UVRAG: variants seen among roughly 807,000 people sequenced by gnomAD.
UVRAG encodes the protein UV radiation resistance-associated gene protein.
UVRAG carries 19 observed loss-of-function variants against 78.0 expected under a neutral mutation model. The observed-to-expected ratio is 0.24, with a 90% CI of 0.17 to 0.36. UVRAG has a LOEUF of 0.36. UVRAG is among the 10% of genes least tolerant of loss of function. UVRAG has a pLI of 1.00. For missense variants in UVRAG, 740 were observed against 853.8 expected (o/e 0.87, Z 1.66); for synonymous variants, 323 against 324.6 (o/e 1.00, Z 0.05).
At chr11:76,111,294 A>T (rs757507410) in intron 13 of UVRAG, among the ~76,000 whole-genome samples, 4 of 152,106 alleles carry the variant, frequency 2.6e-5, no homozygotes, top group Non-Finnish European at 2.9e-5. Flanking sequence ...CAAACCACAG[A>T]CTCCAGAAGG....
chr11:75,990,213 C>A (rs1208114025), intron 8 of UVRAG, among the ~76,000 whole-genome samples: 2 of 152,124 alleles, frequency 1.3e-5, no homozygotes, highest in African/African-American at 4.8e-5. Flanking sequence ...TCTAAAGGAA[C>A]AGGCTTTGAT....
chr11:75,895,756 C>A (rs576030673), intron 5 of UVRAG, among the ~76,000 whole-genome samples: 1 of 152,044 alleles, frequency 6.6e-6, no homozygotes, highest in Non-Finnish European at 1.5e-5. Flanking sequence ...GGATTACAGG[C>A]GTGAGCCACC....
chr11:75,935,255 G>A (rs189952000), intron 6 of UVRAG, among the ~76,000 whole-genome samples: 225 of 152,284 alleles, frequency 1.5e-3, no homozygotes, highest in Non-Finnish European at 2.6e-3. Flanking sequence ...AAAGATAAGC[G>A]TATGATACAG....
intron 13 of UVRAG, among the ~76,000 whole-genome samples, chr11:76,078,756 A>C (rs1256340452): frequency 7.9e-6 from 1 of 126,474 alleles, no homozygotes; most frequent in African/African-American, 3.9e-5. Flanking sequence ...AAAATACAAA[A>C]AAAAAAAAAA....
chr11:76,057,517 G>A (rs1215765258), intron 12 of UVRAG, among the ~76,000 whole-genome samples: 1 of 152,120 alleles, frequency 6.6e-6, no homozygotes, highest in Non-Finnish European at 1.5e-5. Flanking sequence ...TTTTTAAAGA[G>A]TACATTTTGG....
At chr11:76,038,757 A>G (rs772324225) in intron 12 of UVRAG, among the ~76,000 whole-genome samples, 11 of 152,210 alleles carry the variant, frequency 7.2e-5, no homozygotes. Context: ...CTAGCCCACA[A>G]GAAAGCAAAC....
intron 5 of UVRAG, among the ~76,000 whole-genome samples, chr11:75,889,190 A>G (rs559826758): frequency 6.6e-6 from 1 of 152,354 alleles, no homozygotes; most frequent in South Asian, 2.1e-4. Flanking sequence ...TTAAGAAAGG[A>G]TGGTGAATTT....
intron 7 of UVRAG, among the ~76,000 whole-genome samples, chr11:75,975,527 C>T (rs1451742583): frequency 6.6e-6 from 1 of 152,062 alleles, no homozygotes; most frequent in Non-Finnish European, 1.5e-5. Context: ...TTGTTTGTGT[C>T]CTCTTTTATT....
chr11:75,833,509 A>G (rs1436561154), intron 1 of UVRAG, among the ~76,000 whole-genome samples: 2 of 152,182 alleles, frequency 1.3e-5, no homozygotes, highest in African/African-American at 2.4e-5. Context: ...TTTCATATCC[A>G]TAGCATAGTT....
intron 13 of UVRAG, among the ~76,000 whole-genome samples, chr11:76,102,553 C>A (rs1313275915): frequency 6.6e-6 from 1 of 151,954 alleles, no homozygotes; most frequent in Non-Finnish European, 1.5e-5. Flanking sequence ...GTTAGGATGC[C>A]CTTTATTTAT....
chr11:76,109,838 G>T (rs994827707), intron 13 of UVRAG, among the ~76,000 whole-genome samples: 1 of 152,088 alleles, frequency 6.6e-6, no homozygotes, highest in Non-Finnish European at 1.5e-5. Flanking sequence ...TTAAAAGTTT[G>T]CCCAAGCAAG....
chr11:75,950,931 G>T (rs1948680602), intron 6 of UVRAG, among the ~76,000 whole-genome samples: 1 of 149,784 alleles, frequency 6.7e-6, no homozygotes, highest in African/African-American at 2.5e-5. Context: ...GGAATTCTTT[G>T]TGTATTTTGG....
chr11:76,099,630 A>G (rs1051737846), intron 13 of UVRAG, among the ~76,000 whole-genome samples: 5 of 152,164 alleles, frequency 3.3e-5, no homozygotes, highest in African/African-American at 1.2e-4. Flanking sequence ...ACTTACTAAT[A>G]TCTTCTTTTA....
intron 13 of UVRAG, among the ~76,000 whole-genome samples, chr11:76,076,800 T>A (rs942952242): frequency 7.8e-6 from 1 of 128,242 alleles, no homozygotes; most frequent in Non-Finnish European, 1.6e-5. Context: ...TTAAATTAGG[T>A]TGTATTTATT....
chr11:75,917,501 C>G (rs1476866523), intron 6 of UVRAG, among the ~76,000 whole-genome samples: 1 of 152,190 alleles, frequency 6.6e-6, no homozygotes, highest in African/African-American at 2.4e-5. Flanking sequence ...TAGGTACTCT[C>G]TTGTGTTACT....
chr11:75,992,310 A>G (rs1822810615), intron 8 of UVRAG, among the ~76,000 whole-genome samples: 1 of 152,228 alleles, frequency 6.6e-6, no homozygotes, highest in Admixed American at 6.5e-5. Context: ...AAGAATGGTA[A>G]TCTTCAAGTT....
At chr11:75,965,125 CA>C (rs1279195525) in intron 7 of UVRAG, among the ~76,000 whole-genome samples, 2 of 151,458 alleles carry the variant, frequency 1.3e-5, no homozygotes, top group African/African-American at 4.9e-5. Context: ...TTTCTACACA[CA>C]CAAAAAAAAG....
chr11:76,007,653 G>T (rs367999213), intron 10 of UVRAG, 32 bp downstream of exon 10: 1 of 1,554,052 alleles, frequency 6.4e-7, no homozygotes, highest in Non-Finnish European at 8.8e-7. Flanking sequence ...AATATTTTTC[G>T]TTTTGAAAAG....
intron 14 of UVRAG, among the ~76,000 whole-genome samples, chr11:76,139,959 A>G (rs1455397974): frequency 6.6e-6 from 1 of 151,788 alleles, no homozygotes; most frequent in African/African-American, 2.4e-5. Flanking sequence ...AGCCCCATCA[A>G]AGAATGTATT....
Sources: gnomAD v4.1 joint callset for allele counts (sites outside exome capture counted in the v4.1 genomes callset) on GRCh38, gnomAD v4.1.1 for gene constraint, MANE v1.5 for transcripts, NCBI Gene and HGNC (gene_info 2026-07-23, HGNC 2026-07-21) for gene names.